The following ATAD2B variants were observed in gnomAD, a reference collection of about 807,000 sequenced individuals.
ATAD2B encodes ATPase family AAA domain containing 2B.
ATAD2B carries 40 observed loss-of-function variants against 167.6 expected under a neutral mutation model. The observed-to-expected ratio is 0.24, with a 90% CI of 0.19 to 0.31. The LOEUF is 0.31. Ranked by LOEUF, ATAD2B falls within the 10% of genes least tolerant of loss-of-function variation. The pLI is 1.00. For missense variants in ATAD2B, 1,242 were observed against 1,757.2 expected, an observed-to-expected ratio of 0.71 and a Z score of 5.24; for synonymous variants, 579 against 596.5, an observed-to-expected ratio of 0.97 and a Z score of 0.43.
chr2:23,808,068 A>AATATATAAGTAATTATATATATAAGTAT (rs1553398216), intron 18 of ATAD2B, among the ~76,000 whole-genome samples: 1 of 60,952 alleles, frequency 1.6e-5, no homozygotes, highest in South Asian at 4.6e-4. Flanking sequence ...TATAAATTAT[A>AATATATAAGTAATTATATATATAAGTAT]ATATATAAGT....
intron 11 of ATAD2B, among the ~76,000 whole-genome samples, chr2:23,864,000 A>G (rs1403709957): frequency 1.3e-5 from 2 of 151,884 alleles, no homozygotes; most frequent in South Asian, 2.1e-4. Flanking sequence ...CTAACAGCCT[A>G]TATGTGTATC....
At position 23,867,717 on chromosome 2, in the gene ATAD2B, A is replaced by T. The variant is rs929913450; in HGVS notation, c.1188+118T>A. 3 of 691,166 alleles carry T rather than the reference A, an allele frequency of 4.3e-6. No homozygotes were observed. In the East Asian group the frequency reaches 7.8e-5, roughly 18 times the overall value. 42.8% of individuals were successfully genotyped at this position (691,166 alleles called of 1,614,324 possible). ...GGTTCTTAGGTTTCAAAACATATAC[A>T]TCGAAACATTAACACTGTCATATCC... On this transcript the variant is annotated intron_variant, in intron 10 of 27. Coordinates refer to ENST00000238789, the MANE Select transcript of ATAD2B (RefSeq NM_017552.4).
the ATAD2B span, chr2:23,696,535 C>G: frequency 6.7e-7 from 1 of 1,486,362 alleles, no homozygotes; most frequent in Non-Finnish European, 9.0e-7. The surrounding 1 kb of genome is among the most constrained non-coding windows in gnomAD (Gnocchi z 5.5). Flanking sequence ...ACGGTCAGGA[C>G]AGGGGCATGC....
At chr2:23,747,357 A>G (rs1674950224), downstream of ATAD2B, among the ~76,000 whole-genome samples, 1 of 151,252 alleles carries the variant, frequency 6.6e-6, no homozygotes. Flanking sequence ...TATGTATATT[A>G]TATATATAAT....
At chr2:23,739,178 C>G in the ATAD2B span, among the ~76,000 whole-genome samples, 1 of 152,136 alleles carries the variant, frequency 6.6e-6, no homozygotes, top group African/African-American at 2.4e-5. Context: ...AGGAATTGAA[C>G]TCAGCTCTGC....
At chr2:23,732,231 G>A in the ATAD2B span, among the ~76,000 whole-genome samples, 1 of 152,090 alleles carries the variant, frequency 6.6e-6, no homozygotes, top group Non-Finnish European at 1.5e-5. Context: ...AAATTCAATA[G>A]ATCAAAACCT....
chr2:23,695,649 C>G, the ATAD2B span: 2 of 1,551,236 alleles, frequency 1.3e-6, no homozygotes, highest in Middle Eastern at 3.3e-4. This position sits in a 1 kb window ranked among gnomAD's most constrained non-coding sequence, Gnocchi z 7.6. Flanking sequence ...TGGCCGTGGT[C>G]CGCCTCCCCT....
chr2:23,878,714 C>T (rs1697413566), intron 7 of ATAD2B, among the ~76,000 whole-genome samples: 1 of 151,662 alleles, frequency 6.6e-6, no homozygotes, highest in East Asian at 1.9e-4. Context: ...TCAAAAGATA[C>T]TATTGAGAGA....
rs144990498 is a variant in ATAD2B, at chr2:23,760,535, C to T, written c.3394+1674G>A. Among the ~76,000 whole-genome samples, 1,300 of 151,764 alleles carry T rather than the reference C, an allele frequency of 8.6e-3. 19 individuals carry two copies. Among genetic ancestry groups the T allele is most frequent in the African/African-American group, 0.03 (1,237 of 41,370 alleles). ...AAAATGAGCCAGGTGTGCTGGCAGG[C>T]GCCTGTCGTCCCAGTAGCTTGGGAA... On this transcript the variant is annotated intron_variant, in intron 24 of 27. Coordinates refer to ENST00000238789, the MANE Select transcript of ATAD2B (RefSeq NM_017552.4).
At chr2:23,788,485 T>A in intron 20 of ATAD2B, 27 bp downstream of exon 20, 1 of 1,606,474 alleles carries the variant, frequency 6.2e-7, no homozygotes, top group Non-Finnish European at 8.5e-7. Flanking sequence ...ATCCCTCCCA[T>A]TTTCCTAAAG....
chr2:23,842,773 A>G (rs1197642930), intron 13 of ATAD2B, among the ~76,000 whole-genome samples: 1 of 152,198 alleles, frequency 6.6e-6, no homozygotes. Context: ...CAAGGAGCAG[A>G]CTCAAAGGAT....
At chr2:23,906,168 C>G (rs1187757718) in intron 1 of ATAD2B, among the ~76,000 whole-genome samples, 1 of 151,772 alleles carries the variant, frequency 6.6e-6, no homozygotes, top group Admixed American at 6.6e-5. Flanking sequence ...GAAACCCTGT[C>G]TCTACTAAAA....
intron 25 of ATAD2B, chr2:23,755,166 T>C (rs1675807102): frequency 6.6e-6 from 1 of 151,460 alleles, no homozygotes; most frequent in East Asian, 2.0e-4. Context: ...AAGCAGATAC[T>C]AACAAAAGTG....
the ATAD2B span, among the ~76,000 whole-genome samples, chr2:23,678,356 G>A: frequency 3.3e-5 from 5 of 152,114 alleles, no homozygotes. Context: ...TCCATAACTC[G>A]GGGGTGAGAA....
chr2:23,730,665 CAAAAAAAAAAAAA>C, the ATAD2B span, among the ~76,000 whole-genome samples: 44 of 31,990 alleles, frequency 1.4e-3, 1 homozygote, highest in Admixed American at 7.4e-3. Flanking sequence ...GACTCCGTTT[CAAAAAAAAAAAAA>C]AAAAAAAAAA....
intron 22 of ATAD2B, among the ~76,000 whole-genome samples, chr2:23,774,159 T>C (rs1678746785): frequency 6.6e-6 from 1 of 152,222 alleles, no homozygotes; most frequent in African/African-American, 2.4e-5. Context: ...AATAATTTCA[T>C]AAATAAGAAA....
intron 19 of ATAD2B, among the ~76,000 whole-genome samples, chr2:23,790,265 T>C (rs1225281348): frequency 1.3e-5 from 2 of 152,144 alleles, no homozygotes; most frequent in African/African-American, 4.8e-5. Context: ...TATGATACTA[T>C]GCTGGGAGTA....
At chr2:23,835,951 T>A (rs925076025) in intron 13 of ATAD2B, among the ~76,000 whole-genome samples, 6 of 147,398 alleles carry the variant, frequency 4.1e-5, no homozygotes, top group South Asian at 2.1e-4. Context: ...AAAAAAAAAA[T>A]GAGTGAACTG....
chr2:23,827,360 G>C (rs960776366), intron 15 of ATAD2B, among the ~76,000 whole-genome samples: 28 of 152,242 alleles, frequency 1.8e-4, no homozygotes, highest in Admixed American at 3.9e-4. Context: ...ATTGTCTTTG[G>C]AAATGCAAAA....
Sources: allele counts gnomAD v4.1 joint callset (sites outside exome capture counted in the v4.1 genomes callset), GRCh38; gene constraint gnomAD v4.1.1; non-coding constraint Gnocchi (gnomAD v3.1); transcripts MANE v1.5; gene names NCBI Gene and HGNC (gene_info 2026-07-23, HGNC 2026-07-21).